Variants in KCNG3 observed in about 807,000 individuals in gnomAD.
The protein encoded by KCNG3 is potassium voltage-gated channel modifier subfamily G member 3, also known as voltage-gated potassium channel regulatory subunit KCNG3.
KCNG3 carries 15 observed loss-of-function variants against 29.0 expected under a neutral mutation model. The observed-to-expected ratio is 0.52, with a 90% CI of 0.35 to 0.80. The LOEUF (loss-of-function observed/expected upper bound fraction) is 0.80. Among genes scored for constraint, KCNG3 ranks in the 30% least tolerant of loss-of-function variants. The pLI, the probability that KCNG3 is intolerant of heterozygous loss-of-function variation, is 0.01. For missense variants in KCNG3, 512 were observed against 605.7 expected (o/e 0.85, Z 1.62); for synonymous variants, 322 against 248.9 (o/e 1.29, Z -2.76).
At chr2:42,437,618 G>A (rs974849052), downstream of KCNG3, among the ~76,000 whole-genome samples, 25 of 152,034 alleles carry the variant, frequency 1.6e-4, no homozygotes, top group African/African-American at 6.0e-4. Flanking sequence ...TTGCCAAACA[G>A]CACTGACATA....
the KCNG3 span, among the ~76,000 whole-genome samples, chr2:42,401,713 C>T: frequency 5.9e-5 from 9 of 152,040 alleles, no homozygotes; most frequent in East Asian, 3.9e-4. Flanking sequence ...GCTGGGATTA[C>T]GGACGTGAGC....
chr2:42,437,939 CAAAAAAA>C (rs58250880), downstream of KCNG3, among the ~76,000 whole-genome samples: 44 of 74,832 alleles, frequency 5.9e-4, 1 homozygote, highest in South Asian at 1.5e-3. Context: ...ACTCTGTCTC[CAAAAAAA>C]AAAAAAAAAA....
At chr2:42,396,099 T>A in the KCNG3 span, among the ~76,000 whole-genome samples, 8 of 152,226 alleles carry the variant, frequency 5.3e-5, no homozygotes, top group African/African-American at 1.9e-4. Flanking sequence ...TAATAAAGCA[T>A]TGAATGTCTC....
chr2:42,418,617 G>C, the KCNG3 span, among the ~76,000 whole-genome samples: 2 of 152,174 alleles, frequency 1.3e-5, no homozygotes, highest in African/African-American at 4.8e-5. Flanking sequence ...TCAGAAGAGA[G>C]ATGCTCAAGA....
chr2:42,444,218 G>A lies in KCNG3; in HGVS notation c.1027C>T (p.Leu343Phe). 1 of 1,614,162 alleles carries A rather than the reference G, an allele frequency of 6.2e-7. No individual in the cohort carries two copies. Among genetic ancestry groups the A allele is most frequent in the Non-Finnish European group, 8.5e-7 (1 of 1,180,030 alleles). Residue 343 changes from leucine (L) to phenylalanine (F), a missense_variant, in exon 2 of 2, where the codon CTT becomes TTT. Physicochemically the swap from Leu to Phe is conservative, Grantham distance 22. Around this residue, in one of 5 missense-constraint regions of KCNG3, gnomAD observed 173 missense variants for 262.4 expected, o/e 0.66. Coordinates refer to ENST00000306078, the MANE Select transcript of KCNG3 (RefSeq NM_133329.6). This position sits in a 1 kb window ranked among gnomAD's most constrained non-coding sequence, Gnocchi z 5.8. ...AMAIFSALSQ[L>F]LEHGLDLETS... ...TCCAGGTCCAGCCCATGTTCAAGAAGCTGAGAAAGTGCACTAAAGATTGCC... is the reference window on the plus strand; with the variant it reads ...TCCAGGTCCAGCCCATGTTCAAGAAACTGAGAAAGTGCACTAAAGATTGCC...
At chr2:42,390,702 GT>G in the KCNG3 span, among the ~76,000 whole-genome samples, 2,002 of 152,210 alleles carry the variant, frequency 0.013, 42 homozygotes, top group African/African-American at 0.045. Flanking sequence ...AAAAGTCTTT[GT>G]TCTTTCCTTA....
chr2:42,484,635 T>C (rs1168268442), intron 1 of KCNG3, among the ~76,000 whole-genome samples: 1 of 152,162 alleles, frequency 6.6e-6, no homozygotes, highest in Non-Finnish European at 1.5e-5. Flanking sequence ...GGTGGTGGGA[T>C]TGAAGAGATA....
chr2:42,414,838 G>C, the KCNG3 span, among the ~76,000 whole-genome samples: 3 of 152,062 alleles, frequency 2.0e-5, no homozygotes, highest in Admixed American at 6.5e-5. Context: ...GTCCAGCCTA[G>C]AAGTTTTAAA....
chr2:42,436,370 G>A, the KCNG3 span, among the ~76,000 whole-genome samples: 1 of 152,186 alleles, frequency 6.6e-6, no homozygotes, highest in Non-Finnish European at 1.5e-5. Flanking sequence ...ATAACAAATT[G>A]TATGGCATAC....
chr2:42,449,468 A>G (rs1412626669), intron 1 of KCNG3, among the ~76,000 whole-genome samples: 2 of 133,216 alleles, frequency 1.5e-5, no homozygotes, highest in African/African-American at 5.2e-5. Context: ...ACCTACTATC[A>G]TTGAAAAAAA....
At chr2:42,492,793 C>A in intron 1 of KCNG3, 44 bp downstream of exon 1, 1 of 1,405,174 alleles carries the variant, frequency 7.1e-7, no homozygotes, top group East Asian at 2.8e-5. Context: ...GACGGACAGA[C>A]GCGACAGGAC....
At chr2:42,389,472 G>C in the KCNG3 span, among the ~76,000 whole-genome samples, 1,620 of 152,290 alleles carry the variant, frequency 0.011, 39 homozygotes, top group African/African-American at 0.036. Context: ...CATTTCTAAA[G>C]ATTTTAATGA....
chr2:42,403,477 GTTTTTTT>G, the KCNG3 span, among the ~76,000 whole-genome samples: 1 of 87,762 alleles, frequency 1.1e-5, no homozygotes, highest in African/African-American at 4.6e-5. Context: ...TTTCTTTTCT[GTTTTTTT>G]TTTTTTTTTT....
At chr2:42,419,864 G>C in the KCNG3 span, among the ~76,000 whole-genome samples, 1 of 152,226 alleles carries the variant, frequency 6.6e-6, no homozygotes. Context: ...ACTAGCAAGA[G>C]AGCAGAGACT....
chr2:42,460,540 C>T (rs1262307159), intron 1 of KCNG3, among the ~76,000 whole-genome samples: 1 of 152,120 alleles, frequency 6.6e-6, no homozygotes, highest in African/African-American at 2.4e-5. Context: ...AATTGATGTG[C>T]ATTAAGTTCA....
At chr2:42,395,953 CA>C in the KCNG3 span, among the ~76,000 whole-genome samples, 7 of 147,030 alleles carry the variant, frequency 4.8e-5, no homozygotes, top group Non-Finnish European at 4.5e-5. Context: ...AACCTTGTTT[CA>C]AAAAAAAAAG....
chr2:42,461,757 T>A (rs773770918), intron 1 of KCNG3, among the ~76,000 whole-genome samples: 1 of 152,208 alleles, frequency 6.6e-6, no homozygotes, highest in Non-Finnish European at 1.5e-5. Flanking sequence ...GACTACCACA[T>A]GGGTTCTATT....
intron 1 of KCNG3, among the ~76,000 whole-genome samples, chr2:42,445,381 C>T (rs1672573454): frequency 6.6e-6 from 1 of 152,120 alleles, no homozygotes; most frequent in Non-Finnish European, 1.5e-5. Context: ...AAGATCATTT[C>T]CTAAAACGTG....
At chr2:42,457,448 T>C (rs557314504) in intron 1 of KCNG3, among the ~76,000 whole-genome samples, 1 of 151,966 alleles carries the variant, frequency 6.6e-6, no homozygotes, top group East Asian at 1.9e-4. Flanking sequence ...TGAGCTGTGA[T>C]TGTGCCACCG....
Sources: allele counts gnomAD v4.1 joint callset (sites outside exome capture counted in the v4.1 genomes callset), GRCh38; gene constraint gnomAD v4.1.1; regional missense constraint gnomAD v4.1.1; non-coding constraint Gnocchi (gnomAD v3.1); transcripts MANE v1.5; gene names NCBI Gene and HGNC (gene_info 2026-07-23, HGNC 2026-07-21).